The following INF2 variants were observed in gnomAD, a reference collection of about 807,000 sequenced individuals.
INF2 encodes the protein inverted formin 2, also known as inverted formin-2.
In INF2, 43 loss-of-function variants were observed where a neutral mutation model predicts 123.5. The observed-to-expected ratio is 0.35, with a 90% confidence interval of 0.27 to 0.45. The LOEUF (loss-of-function observed/expected upper bound fraction) is 0.45. Among genes scored for constraint, INF2 ranks in the 20% least tolerant of loss-of-function variants. INF2 has a pLI of 1.00. For synonymous variants in INF2, 851 were observed against 745.0 expected, an observed-to-expected ratio of 1.14 and a Z score of -2.32; for missense variants, 1,453 against 1,682.7, an observed-to-expected ratio of 0.86 and a Z score of 2.39.
chr14:104,704,466 G>A, intron 5 of INF2: 1 of 194,450 alleles, frequency 5.1e-6, no homozygotes, highest in Non-Finnish European at 1.1e-5. Flanking sequence ...GGGCCACGCA[G>A]CAGGAAGTGA....
chr14:104,712,126 C>T (rs1434594781), intron 16 of INF2, among the ~76,000 whole-genome samples: 4 of 152,102 alleles, frequency 2.6e-5, no homozygotes, highest in Non-Finnish European at 5.9e-5. Context: ...ACAGTCCGGG[C>T]CCCTAGCACG....
chr14:104,684,459 T>C lies in INF2; in HGVS notation c.-104+2877T>C, dbSNP rs1888611027. On this transcript the variant is annotated intron_variant, in intron 1 of 2. Coordinates refer to the INF2 transcript ENST00000674723. The surrounding 1 kb of genome is among the most constrained non-coding windows in gnomAD (Gnocchi z 5.0). ...CGATGCACACCACCGCGTGGATGAG[T>C]CTCAGAGACTGTGGAGCGAAAGAAG... The C allele has an allele frequency of 4.9e-6, 1 of 202,206 alleles. No individual in the cohort carries two copies. Among genetic ancestry groups the C allele is most frequent in the South Asian group, 8.0e-5 (1 of 12,460 alleles). 12.5% of individuals were successfully genotyped at this position (202,206 alleles called of 1,614,324 possible).
At chr14:104,681,738 G>A (rs1446873105) in intron 1 of INF2, among the ~76,000 whole-genome samples, 10 of 152,260 alleles carry the variant, frequency 6.6e-5, no homozygotes. Context: ...GACAGCCTGG[G>A]GTTCACTCAC....
In INF2 at chr14:104,707,528, C is replaced by T. The variant is rs1889836467; in HGVS notation, c.1261C>T (p.Pro421Ser). Residue 421 changes from proline (P) to serine (S), a missense_variant, in exon 8 of 23, where the codon CCA (proline) becomes TCA (serine). Physicochemically the swap from Pro to Ser is moderately conservative, Grantham distance 74 (BLOSUM62 -1). Around this residue, in one of 8 missense-constraint regions of INF2, gnomAD observed 374 missense variants for 303.7 expected, o/e 1.23. Transcript: ENST00000392634. ...AGCCCTGGAGCAGCAGGCGTCCACC[C>T]CACCCCCACCCCCACCCCCACCCCT... ...PRALEQQAST[P>S]PPPPPPPLLP... 2 of 868,194 alleles carry T rather than the reference C, an allele frequency of 2.3e-6. No homozygotes were observed. Among genetic ancestry groups the T allele is most frequent in the Non-Finnish European group, 3.2e-6 (2 of 619,158 alleles). The allele number at this position is 868,194 out of a possible 1,614,324, so 53.8% of individuals were successfully genotyped here.
In INF2 at chr14:104,706,978, C is replaced by T. The variant is rs747455797; in HGVS notation, c.912C>T (p.Thr304=). The T allele has an allele frequency of 3.1e-6, 5 of 1,600,136 alleles. No individual in the cohort carries two copies. In the African/African-American group the frequency reaches 6.7e-5, roughly 21 times the overall value. The change falls in exon 7 of 23, where the codon ACC becomes ACT. Residue 304 remains threonine, a synonymous_variant. Coordinates refer to ENST00000392634, the MANE Select transcript of INF2 (RefSeq NM_022489.4). ...VLQGLLHLEP[T]LRSSQLLWEA... ...AGGGCCTCCTGCACCTGGAGCCCAC[C>T]CTCCGCTCCAGCCAGCTGCTCTGGG...
intron 15 of INF2, among the ~76,000 whole-genome samples, 180 bp from the exon 16 acceptor site, chr14:104,711,449 G>A (rs1890044003): frequency 6.6e-6 from 1 of 152,200 alleles, no homozygotes; most frequent in Non-Finnish European, 1.5e-5. Context: ...ACAGTCCCTA[G>A]GAAAAGCAGA....
At chr14:104,712,270 C>T (rs571876167) in intron 16 of INF2, among the ~76,000 whole-genome samples, 163 bp from the exon 17 acceptor site, 2 of 152,304 alleles carry the variant, frequency 1.3e-5, no homozygotes, top group East Asian at 3.9e-4. Context: ...GGCTGAGGGT[C>T]AGCTGGAACA....
At chr14:104,709,849 C>T in intron 12 of INF2, 144 bp downstream of exon 12, 1 of 771,458 alleles carries the variant, frequency 1.3e-6, no homozygotes, top group Non-Finnish European at 2.2e-6. Context: ...AGCGGTTGGG[C>T]TTCTAAACAT....
intron 13 of INF2, chr14:104,710,622 T>G: frequency 1.9e-6 from 1 of 517,296 alleles, no homozygotes; most frequent in African/African-American, 1.9e-5. Flanking sequence ...TGTACAGACA[T>G]AAGTGCACAC....
chr14:104,694,346 G>A (rs536480377), intron 1 of INF2, among the ~76,000 whole-genome samples: 12 of 152,246 alleles, frequency 7.9e-5, no homozygotes, highest in Non-Finnish European at 1.8e-4. Context: ...CACCCACGCT[G>A]AGGATCTTGT....
chr14:104,710,296 G>A (rs1889983530), intron 13 of INF2, 108 bp downstream of exon 13: 2 of 771,898 alleles, frequency 2.6e-6, no homozygotes, highest in African/African-American at 1.7e-5. Context: ...TGGCTGCTAA[G>A]AGCACCTAAG....
At chr14:104,696,731 T>C (rs1407837022) in intron 1 of INF2, among the ~76,000 whole-genome samples, 1 of 151,946 alleles carries the variant, frequency 6.6e-6, no homozygotes, top group Non-Finnish European at 1.5e-5. Context: ...AAATTGGGGC[T>C]CTCGGAGGAG....
intron 6 of INF2, 92 bp downstream of exon 6, chr14:104,706,268 C>G: frequency 7.6e-7 from 1 of 1,314,496 alleles, no homozygotes; most frequent in Non-Finnish European, 1.0e-6. Context: ...TCCTCCCTGC[C>G]CTGGTCAGAC....
chr14:104,691,597 G>A (rs1273148570), intron 1 of INF2, among the ~76,000 whole-genome samples: 2 of 152,228 alleles, frequency 1.3e-5, no homozygotes, highest in Non-Finnish European at 2.9e-5. Flanking sequence ...TGGACGGGAA[G>A]GCCGGGAGGT....
At chr14:104,706,216 G>A in intron 6 of INF2, 40 bp downstream of exon 6, 1 of 1,528,212 alleles carries the variant, frequency 6.5e-7, no homozygotes, top group Non-Finnish European at 8.8e-7. Flanking sequence ...GCCCTCCAGG[G>A]CAGGCTGTGG....
At chr14:104,701,861 C>T (rs974639232) in intron 2 of INF2, 105 bp downstream of exon 2, 2 of 1,277,230 alleles carry the variant, frequency 1.6e-6, no homozygotes, top group East Asian at 2.6e-5. Flanking sequence ...CAGGAGGAAG[C>T]GCAGCCAGGC....
Position 104,712,497 on chromosome 14 carries a change from C to T in INF2, c.2554C>T (p.Arg852Trp), listed in dbSNP as rs894961540. 8 of 1,612,570 alleles carry T rather than the reference C, an allele frequency of 5.0e-6. No individual in the cohort carries two copies. In the African/African-American group the frequency reaches 6.7e-5, roughly 13 times the overall value. The change falls in exon 17 of 23, where the codon CGG (arginine) becomes TGG (tryptophan). Residue 852 changes from arginine (R) to tryptophan (W), a missense_variant. Coordinates refer to ENST00000392634, the MANE Select transcript of INF2 (RefSeq NM_022489.4). ...SNLKKLLETE[R>W]KVSASVAEVQ... ...CCTGAAGAAGCTTCTGGAGACCGAG[C>T]GGAAGGTGTCTGCCTCCGTGGCCGA... is the stretch of plus-strand genomic sequence containing the variant.
rs748234626 is a variant in INF2 at position 104,713,550 on chromosome 14, A to G, written c.2984A>G (p.Asp995Gly). ...QLRKTARGRG[D>G]TDGGSKAASM... ...CGGAAGACAGCCCGGGGCCGCGGGG[A>G]CACCGACGGGGGCAGCAAGGCAGCC... The change falls in exon 20 of 23, where the codon GAC (aspartate) becomes GGC (glycine). Residue 995 changes from aspartate to glycine, a missense_variant. By Grantham distance (94) the Asp-to-Gly change is moderately conservative. Transcript: ENST00000392634. The G allele has an allele frequency of 5.0e-6, 8 of 1,612,026 alleles. No individual in the cohort carries two copies. Among genetic ancestry groups the G allele is most frequent in the Non-Finnish European group, 5.9e-6 (7 of 1,179,666 alleles).
At chr14:104,705,441 C>T (rs187767892) in intron 5 of INF2, among the ~76,000 whole-genome samples, 3 of 151,850 alleles carry the variant, frequency 2.0e-5, no homozygotes, top group African/African-American at 7.2e-5. Context: ...GAAATGGCCT[C>T]AGCAAAGTTT....
Sources: gnomAD v4.1 joint callset for allele counts (sites outside exome capture counted in the v4.1 genomes callset) on GRCh38, gnomAD v4.1.1 for gene constraint, gnomAD v4.1.1 regional missense constraint, Gnocchi (gnomAD v3.1) non-coding constraint, MANE v1.5 for transcripts, NCBI Gene and HGNC (gene_info 2026-07-23, HGNC 2026-07-21) for gene names.